The following SHISA9 variants were observed in gnomAD, a reference collection of about 807,000 sequenced individuals.
The protein encoded by SHISA9 is shisa family member 9, also known as protein shisa-9.
In SHISA9, 13 loss-of-function variants were observed where a neutral mutation model predicts 38.0. The observed-to-expected ratio is 0.34, with a 90% CI of 0.22 to 0.54. The LOEUF is 0.54. Among genes scored for constraint, SHISA9 ranks in the 20% least tolerant of loss-of-function variants. SHISA9 has a pLI of 0.91. For synonymous variants in SHISA9, 275 were observed against 242.0 expected (o/e 1.14, Z -1.27); for missense variants, 538 against 575.8 (o/e 0.93, Z 0.67).
At chr16:13,246,259 C>G in the SHISA9 span, 1 of 152,226 alleles carries the variant, frequency 6.6e-6, no homozygotes, top group South Asian at 2.1e-4. Flanking sequence ...GTGAATAAGT[C>G]TCACAAGATC....
chr16:13,199,211 T>C (rs1007680812), intron 2 of SHISA9, among the ~76,000 whole-genome samples: 1 of 152,184 alleles, frequency 6.6e-6, no homozygotes, highest in African/African-American at 2.4e-5. Flanking sequence ...ATAATAGGCT[T>C]TGAAGGTTCA....
chr16:13,547,358 G>A, the SHISA9 span, among the ~76,000 whole-genome samples: 1 of 152,126 alleles, frequency 6.6e-6, no homozygotes, highest in Non-Finnish European at 1.5e-5. Flanking sequence ...TAACTATATA[G>A]AGATTTGTAA....
intron 2 of SHISA9, among the ~76,000 whole-genome samples, chr16:13,056,832 G>C (rs1473040125): frequency 6.6e-6 from 1 of 152,234 alleles, no homozygotes; most frequent in Non-Finnish European, 1.5e-5. Flanking sequence ...AAGGGTACTT[G>C]AATTCATGCC....
rs1157052162 is a variant in SHISA9 at position 13,008,649 on chromosome 16, CCCTCCCTCCCTCCCTT to C, written c.691+91850_691+91865del. On this transcript the variant is annotated intron_variant, in intron 2 of 4. Coordinates refer to ENST00000558583, the MANE Select transcript of SHISA9 (RefSeq NM_001145204.3). ...CTCCCTCTCTCCTCCCTCCCTCCCT[CCCTCCCTCCCTCCCTT>C]CCTCCCTCCCTCCCTCTCTCTCTCT... 4.1e-3 allele frequency among the ~76,000 whole-genome samples: 275 copies of C among 67,694 alleles called. 1 individual carries two copies. Among genetic ancestry groups the C allele is most frequent in the Non-Finnish European group, 5.5e-3 (183 of 33,156 alleles). The allele number at this position is 67,694 out of a possible 152,430, so 44.4% of individuals were successfully genotyped here.
chr16:13,483,063 G>T, the SHISA9 span, among the ~76,000 whole-genome samples: 1 of 152,142 alleles, frequency 6.6e-6, no homozygotes, highest in African/African-American at 2.4e-5. Flanking sequence ...TGGCTCTGAG[G>T]GGTGGTGGTG....
At chr16:13,180,244 G>A (rs977690845) in intron 2 of SHISA9, among the ~76,000 whole-genome samples, 6 of 152,222 alleles carry the variant, frequency 3.9e-5, no homozygotes, top group African/African-American at 1.4e-4. Context: ...TGGCTTCTAA[G>A]CTACACTGCC....
intron 2 of SHISA9, among the ~76,000 whole-genome samples, chr16:13,026,023 T>A (rs949355411): frequency 6.6e-6 from 1 of 152,204 alleles, no homozygotes; most frequent in Non-Finnish European, 1.5e-5. Flanking sequence ...CAGGCTGGTC[T>A]CGAACTCCCG....
At chr16:12,928,461 G>C (rs2071421932) in intron 2 of SHISA9, among the ~76,000 whole-genome samples, 1 of 152,066 alleles carries the variant, frequency 6.6e-6, no homozygotes, top group Non-Finnish European at 1.5e-5. Context: ...AAACTTGTCT[G>C]GTTAATACTG....
the SHISA9 span, among the ~76,000 whole-genome samples, chr16:13,523,107 G>A: frequency 6.6e-6 from 1 of 152,104 alleles, no homozygotes; most frequent in South Asian, 2.1e-4. Context: ...TGGCACTGTG[G>A]GAGGCCAAGG....
chr16:13,123,563 G>C lies in SHISA9; in HGVS notation c.692-79831G>C, dbSNP rs1301488731. ...TACTGAATGGCACAGATAAGGTGAT[G>C]GTGGATTCTATCTTTGTGAAAACAA... On this transcript the variant is annotated intron_variant, in intron 2 of 4. Coordinates refer to ENST00000558583, the MANE Select transcript of SHISA9 (RefSeq NM_001145204.3). Among the ~76,000 whole-genome samples, 2 of 152,256 alleles carry C rather than the reference G, an allele frequency of 1.3e-5. 1 individual carries two copies. Among genetic ancestry groups the C allele is most frequent in the Non-Finnish European group, 2.9e-5 (2 of 68,042 alleles).
At chr16:13,331,907 A>G in the SHISA9 span, 1 of 152,348 alleles carries the variant, frequency 6.6e-6, no homozygotes, top group African/African-American at 2.4e-5. Flanking sequence ...CACATTCGGC[A>G]GACTTTATGT....
At chr16:13,426,819 ACAG>A in the SHISA9 span, among the ~76,000 whole-genome samples, 1 of 152,248 alleles carries the variant, frequency 6.6e-6, no homozygotes, top group African/African-American at 2.4e-5. Flanking sequence ...AATGGCGTTG[ACAG>A]TAATTAAACA....
intron 2 of SHISA9, among the ~76,000 whole-genome samples, chr16:12,986,056 G>T (rs1273786544): frequency 5.9e-5 from 9 of 152,100 alleles, no homozygotes. Context: ...ACGCTTCAGG[G>T]CTTCCTTCCT....
intron 2 of SHISA9, among the ~76,000 whole-genome samples, chr16:12,997,809 G>A (rs2072477080): frequency 6.6e-6 from 1 of 152,072 alleles, no homozygotes; most frequent in Non-Finnish European, 1.5e-5. Context: ...ACTCACTGAG[G>A]CCCTTCACCT....
chr16:13,510,816 A>G, the SHISA9 span, among the ~76,000 whole-genome samples: 9 of 152,112 alleles, frequency 5.9e-5, no homozygotes, highest in Admixed American at 4.6e-4. Flanking sequence ...AATAAAGGTA[A>G]TAGACTAAGA....
chr16:13,025,378 A>G (rs1301263194), intron 2 of SHISA9, among the ~76,000 whole-genome samples: 1 of 152,206 alleles, frequency 6.6e-6, no homozygotes, highest in Non-Finnish European at 1.5e-5. Context: ...GTATTCACAA[A>G]GCTTTCATGT....
intron 2 of SHISA9, among the ~76,000 whole-genome samples, chr16:13,073,053 AG>A (rs1225894795): frequency 3.3e-5 from 5 of 152,106 alleles, no homozygotes; most frequent in African/African-American, 4.8e-5. Flanking sequence ...GGCCTTTCAG[AG>A]TGCTGGGATT....
At chr16:13,299,488 C>T in the SHISA9 span, among the ~76,000 whole-genome samples, 7 of 152,080 alleles carry the variant, frequency 4.6e-5, no homozygotes, top group South Asian at 2.1e-4. Flanking sequence ...CTGAGGTGGG[C>T]GGATCACCTG....
At chr16:13,447,215 T>C in the SHISA9 span, among the ~76,000 whole-genome samples, 16 of 152,190 alleles carry the variant, frequency 1.1e-4, no homozygotes, top group African/African-American at 3.4e-4. Context: ...TTCTGAAAAA[T>C]CCATTAAAGA....
Sources: allele counts gnomAD v4.1 joint callset (sites outside exome capture counted in the v4.1 genomes callset), GRCh38; gene constraint gnomAD v4.1.1; transcripts MANE v1.5; gene names NCBI Gene and HGNC (gene_info 2026-07-23, HGNC 2026-07-21).